The following GRAMD2B variants were observed in gnomAD, a reference collection of about 807,000 sequenced individuals.
GRAMD2B encodes GRAM domain-containing protein 2B.
Under a neutral mutation model 59.2 loss-of-function variants are expected in GRAMD2B, and 41 were observed. That is an observed-to-expected ratio of 0.69 (90% CI 0.54 to 0.90). The LOEUF (loss-of-function observed/expected upper bound fraction) is 0.90, where lower values mean the gene tolerates loss of function less well. Ranked by LOEUF, GRAMD2B falls within the 40% of genes least tolerant of loss-of-function variation. The probability of loss-of-function intolerance (pLI) is 0.00; values close to 1 mark genes in which losing one functional copy is unlikely to be tolerated. For missense variants in GRAMD2B, 424 were observed against 500.5 expected (o/e 0.85, Z 1.46); for synonymous variants, 161 against 182.7 (o/e 0.88, Z 0.96).
chr5:126,423,833 C>CTT (rs1491301870), intron 1 of GRAMD2B, 144 bp downstream of exon 1: 1 of 547,462 alleles, frequency 1.8e-6, no homozygotes, highest in African/African-American at 2.6e-5. Flanking sequence ...CTGTCTCTCA[C>CTT]TCTCTCTCTC....
At chr5:126,386,472 G>A (rs187712611) in intron 1 of GRAMD2B, among the ~76,000 whole-genome samples, 197 of 152,296 alleles carry the variant, frequency 1.3e-3, no homozygotes, top group African/African-American at 4.6e-3. Context: ...AGTATCTGTG[G>A]GTTCTGAATC....
chr5:126,469,666 T>C lies in GRAMD2B; in HGVS notation c.204-11T>C, dbSNP rs1452905351. 6.3e-7 allele frequency: 1 copy of C among 1,592,020 alleles called. No individual in the cohort carries two copies. ...ATTATCTTATAGACACCCTGGACTTTCTTTCTTTAGGTCAAAATCCAGTTT... is the reference window on the plus strand; with the variant it reads ...ATTATCTTATAGACACCCTGGACTTCCTTTCTTTAGGTCAAAATCCAGTTT... On this transcript the variant is annotated splice_polypyrimidine_tract_variant and intron_variant, in intron 2 of 13. Coordinates refer to ENST00000285689, the MANE Select transcript of GRAMD2B (RefSeq NM_023927.4).
At chr5:126,405,233 G>A (rs1344651406) in intron 1 of GRAMD2B, among the ~76,000 whole-genome samples, 5 of 151,880 alleles carry the variant, frequency 3.3e-5, no homozygotes, top group African/African-American at 1.2e-4. Flanking sequence ...AACCTCCCTG[G>A]ATGCTGTTTA....
rs758190150 is a variant in GRAMD2B at position 126,472,253 on chromosome 5, C to T, written c.331C>T (p.His111Tyr). Residue 111 changes from histidine to tyrosine, a missense_variant, in exon 4 of 14, where the codon CAC (histidine) becomes TAC (tyrosine). Coordinates refer to ENST00000285689, the MANE Select transcript of GRAMD2B (RefSeq NM_023927.4). ...SSSSQYKANM[H>Y]FHKLFLSVPT... The stretch of plus-strand genomic sequence containing the variant: ...CTCATTGTAGTACAAGGCCAATATG[C>T]ACTTTCACAAGTTGTTTCTTAGTGT... 2 of 1,613,372 alleles carry T rather than the reference C, an allele frequency of 1.2e-6. No homozygotes were observed. The highest frequency in any genetic ancestry group is 2.2e-5 in the South Asian group (2 of 91,072).
At chr5:126,394,044 G>A (rs183520904) in intron 1 of GRAMD2B, among the ~76,000 whole-genome samples, 78 of 152,266 alleles carry the variant, frequency 5.1e-4, no homozygotes, top group Non-Finnish European at 3.5e-4. Context: ...GGAGGCCAAG[G>A]CGGGCAGATC....
chr5:126,412,784 C>T (rs931175982), intron 1 of GRAMD2B, among the ~76,000 whole-genome samples: 21 of 152,018 alleles, frequency 1.4e-4, no homozygotes, highest in African/African-American at 4.8e-4. Flanking sequence ...ATTTCAATTT[C>T]AGAATTTGAT....
chr5:126,361,745 C>T (rs1234959053), intron 1 of GRAMD2B, among the ~76,000 whole-genome samples: 1 of 152,166 alleles, frequency 6.6e-6, no homozygotes, highest in African/African-American at 2.4e-5. Context: ...TTCACAGGTG[C>T]TTTGGGCAGA....
intron 1 of GRAMD2B, chr5:126,458,932 A>G (rs1311498085): frequency 6.6e-6 from 1 of 152,334 alleles, no homozygotes; most frequent in South Asian, 2.1e-4. Context: ...GCTTTGCTGC[A>G]TGAGTAAATA....
rs76895934 is a variant in GRAMD2B at position 126,385,191 on chromosome 5, A to G, written c.125+13624A>G. Reference sequence around the variant, plus strand: ...ATATGCTCAATATAGGGAGAATAGCAAGTGGCAGATAAAATTATACCGCAG... The same window carrying G: ...ATATGCTCAATATAGGGAGAATAGCGAGTGGCAGATAAAATTATACCGCAG... On this transcript the variant is annotated intron_variant, in intron 1 of 8. Transcript: ENST00000506445. Among the ~76,000 whole-genome samples, 686 of 152,298 alleles carry G rather than the reference A, an allele frequency of 4.5e-3. 8 individuals carry two copies. The highest frequency in any genetic ancestry group is 0.016 in the African/African-American group (651 of 41,568).
intron 1 of GRAMD2B, among the ~76,000 whole-genome samples, chr5:126,397,703 C>T (rs183368579): frequency 3.9e-5 from 6 of 152,216 alleles, no homozygotes; most frequent in Admixed American, 3.3e-4. Flanking sequence ...TTGAACTAAC[C>T]TTGCATCCCA....
intron 1 of GRAMD2B, among the ~76,000 whole-genome samples, chr5:126,464,239 C>A (rs988524206): frequency 1.3e-5 from 2 of 152,142 alleles, no homozygotes; most frequent in African/African-American, 4.8e-5. Context: ...GGTGAGACTA[C>A]CAAATAGGTG....
At chr5:126,375,353 T>C (rs2149696437) in intron 1 of GRAMD2B, among the ~76,000 whole-genome samples, 1 of 152,200 alleles carries the variant, frequency 6.6e-6, no homozygotes, top group East Asian at 1.9e-4. Context: ...CTTTCCAAAA[T>C]TTACTCCTTG....
chr5:126,434,424 A>T (rs187072962), intron 1 of GRAMD2B, among the ~76,000 whole-genome samples: 2 of 152,210 alleles, frequency 1.3e-5, no homozygotes, highest in South Asian at 2.1e-4. Flanking sequence ...CACTTTTTCA[A>T]ACCCCCTCCC....
intron 2 of GRAMD2B, among the ~76,000 whole-genome samples, chr5:126,469,107 C>T (rs148724530): frequency 4.6e-5 from 7 of 152,160 alleles, no homozygotes; most frequent in Non-Finnish European, 1.0e-4. Context: ...AAAATAGTTT[C>T]GTTTTAAAAT....
chr5:126,411,964 T>A (rs1307413527), intron 1 of GRAMD2B, among the ~76,000 whole-genome samples: 1 of 152,060 alleles, frequency 6.6e-6, no homozygotes, highest in African/African-American at 2.4e-5. Context: ...TGATTTTGTA[T>A]CCTGAAACTT....
chr5:126,415,441 C>T lies in GRAMD2B; in HGVS notation c.125+43874C>T, dbSNP rs115009936. On this transcript the variant is annotated intron_variant, in intron 1 of 8. Coordinates refer to the GRAMD2B transcript ENST00000506445. ...TGGTGCTTATTTATTTTTATATCTC[C>T]ATCACCCAGAATATGGCCTGACATG... is the stretch of plus-strand genomic sequence containing the variant. Among the ~76,000 whole-genome samples the T allele has an allele frequency of 5.1e-3, 770 of 152,118 alleles. 1 individual carries two copies. The highest frequency in any genetic ancestry group is 8.1e-3 in the Non-Finnish European group (554 of 68,006).
intron 1 of GRAMD2B, among the ~76,000 whole-genome samples, chr5:126,380,883 G>A (rs959911041): frequency 6.6e-6 from 1 of 152,020 alleles, no homozygotes; most frequent in Non-Finnish European, 1.5e-5. Flanking sequence ...CCATTTGGAT[G>A]CTTTTTATTT....
upstream of GRAMD2B, chr5:126,423,367 TC>T: frequency 1.5e-6 from 2 of 1,330,410 alleles, no homozygotes; most frequent in Non-Finnish European, 1.9e-6. Context: ...GCTTCGACCC[TC>T]CCCTTCCCTC....
chr5:126,486,425 A>G (rs944504260), intron 11 of GRAMD2B, among the ~76,000 whole-genome samples: 1 of 152,184 alleles, frequency 6.6e-6, no homozygotes, highest in Non-Finnish European at 1.5e-5. Flanking sequence ...CGTGTAACCA[A>G]TTGTTCTTCT....
Sources: allele counts gnomAD v4.1 joint callset (sites outside exome capture counted in the v4.1 genomes callset), GRCh38; gene constraint gnomAD v4.1.1; transcripts MANE v1.5; gene names NCBI Gene and HGNC (gene_info 2026-07-23, HGNC 2026-07-21).